The following C16orf46 variants were observed in gnomAD, a reference collection of about 807,000 sequenced individuals.
The protein encoded by C16orf46 is chromosome 16 open reading frame 46.
A neutral mutation model predicts 5.5 loss-of-function variants in C16orf46; 7 were observed. The ratio of observed to expected loss-of-function variants is 1.28; its 90% CI spans 0.73 to 2.40. The LOEUF (loss-of-function observed/expected upper bound fraction) is 2.40, where lower values mean the gene tolerates loss of function less well. C16orf46 is among the 30% of genes most tolerant of loss of function. The probability of loss-of-function intolerance (pLI) is 0.00; values close to 1 mark genes in which losing one functional copy is unlikely to be tolerated. For missense variants in C16orf46, 614 were observed against 476.0 expected (o/e 1.29, Z -2.70); for synonymous variants, 200 against 184.1 (o/e 1.09, Z -0.70).
chr16:81,061,664 TCTTCTTAC>T lies in C16orf46; in HGVS notation c.677_684del (p.Gly226GlufsTer2). 1 of 1,614,194 alleles carries T rather than the reference TCTTCTTAC, an allele frequency of 6.2e-7. No homozygotes were observed. Among genetic ancestry groups the T allele is most frequent in the Non-Finnish European group, 8.5e-7 (1 of 1,180,038 alleles). ...TCTGACTGCAAGAAAGAGTTCTTAC[TCTTCTTAC>T]CCAGAACATCCAAAGCATTTGAAAG... On this transcript the variant is annotated frameshift_variant, in exon 4 of 4. Coordinates refer to ENST00000299578, the MANE Select transcript of C16orf46 (RefSeq NM_152337.3). LOFTEE classifies it low-confidence loss of function (END_TRUNC).
chr16:81,057,643 T>A (rs546708094), downstream of C16orf46, among the ~76,000 whole-genome samples: 1 of 150,590 alleles, frequency 6.6e-6, no homozygotes, highest in Admixed American at 6.7e-5. Context: ...ACCATCATCA[T>A]CTTTTGAAAC....
At chr16:81,058,514 T>C (rs1259837524), downstream of C16orf46, among the ~76,000 whole-genome samples, 1 of 152,168 alleles carries the variant, frequency 6.6e-6, no homozygotes, top group African/African-American at 2.4e-5. Context: ...TTAAGATGGA[T>C]TGGACCCAAG....
At position 81,073,443 on chromosome 16, in the gene C16orf46, T is replaced by A. The variant is rs1007797718; in HGVS notation, c.-128+3693A>T. On this transcript the variant is annotated intron_variant, in intron 1 of 3. Transcript: ENST00000299578. The stretch of plus-strand genomic sequence containing the variant: ...GCTCTTCTAGAATGTTCCTGAAAGA[T>A]AACGTGGTAGGCAGAATTCTACAAA... Among the ~76,000 whole-genome samples, 5 of 152,210 alleles carry A rather than the reference T, an allele frequency of 3.3e-5. No individual in the cohort carries two copies. In the South Asian group the frequency reaches 1.0e-3, roughly 32 times the overall value.
At chr16:81,064,576 C>T (rs572243308) in intron 2 of C16orf46, among the ~76,000 whole-genome samples, 1 of 151,804 alleles carries the variant, frequency 6.6e-6, no homozygotes, top group South Asian at 2.1e-4. Context: ...GGCGAAACCC[C>T]ATCTCTACCA....
Position 81,061,155 on chromosome 16 carries a change from A to C in C16orf46, c.*6T>G, listed in dbSNP as rs804884. ...TGCTTATTCCCAGGGGTTCTACCGC[A>C]ACCGCTCAGAGGATCCTGTGGGTAG... On this transcript the variant is annotated 3_prime_UTR_variant, in exon 4 of 4. Coordinates refer to ENST00000299578, the MANE Select transcript of C16orf46 (RefSeq NM_152337.3). The C allele has an allele frequency of 6.3e-7, 1 of 1,590,562 alleles. No individual in the cohort carries two copies.
rs753998253 is a variant in C16orf46, at chr16:81,061,937, G to A, written c.412C>T (p.Gln138Ter). 6 of 1,614,158 alleles carry A rather than the reference G, an allele frequency of 3.7e-6. No homozygotes were observed. The highest frequency in any genetic ancestry group is 5.1e-6 in the Non-Finnish European group (6 of 1,180,018). Reference sequence around the variant, plus strand: ...GCCCTGGAAGCAGTGCTGGGGCCCTGGGGGGCTGCCTGAGTCTGGGAGGGG... The same window carrying A: ...GCCCTGGAAGCAGTGCTGGGGCCCTAGGGGGCTGCCTGAGTCTGGGAGGGG... ...SSPSQTQAAP[Q>*]GPSTASRAIS... is the part of the protein sequence containing the mutation. Residue 138 changes from glutamine (Q) to a stop codon, truncating the protein, a stop_gained, in exon 4 of 4, where the codon CAG becomes TAG. Coordinates refer to ENST00000299578, the MANE Select transcript of C16orf46 (RefSeq NM_152337.3). LOFTEE classifies it low-confidence loss of function (END_TRUNC).
Position 81,061,037 on chromosome 16 carries a change from AAGAC to A in C16orf46, c.*120_*123del. On this transcript the variant is annotated 3_prime_UTR_variant, in exon 4 of 4. Transcript: ENST00000299578. ...AAAAAAATGGAGGAAAAGAAGAGTAAAGACAGACTGACGGGGAGGAGAGAAAGAG... is the reference window on the plus strand; with the variant it reads ...AAAAAAATGGAGGAAAAGAAGAGTAAAGACTGACGGGGAGGAGAGAAAGAG... The A allele has an allele frequency of 1.4e-6, 2 of 1,431,982 alleles. No homozygotes were observed. Among genetic ancestry groups the A allele is most frequent in the Non-Finnish European group, 9.2e-7 (1 of 1,092,664 alleles). The allele number at this position is 1,431,982 out of a possible 1,614,324, so 88.7% of individuals were successfully genotyped here.
At chr16:81,075,272 A>C (rs1971996525) in intron 1 of C16orf46, among the ~76,000 whole-genome samples, 1 of 142,434 alleles carries the variant, frequency 7.0e-6, no homozygotes, top group South Asian at 2.3e-4. Context: ...TTTTTTTAAC[A>C]CCTATTGCCT....
At chr16:81,073,941 G>C (rs565882336) in intron 1 of C16orf46, among the ~76,000 whole-genome samples, 1 of 152,302 alleles carries the variant, frequency 6.6e-6, no homozygotes, top group Admixed American at 6.5e-5. Flanking sequence ...CTTAAACAGA[G>C]AACAAAGCAT....
At chr16:81,056,610 C>T (rs1388654700), downstream of C16orf46, among the ~76,000 whole-genome samples, 2 of 146,198 alleles carry the variant, frequency 1.4e-5, no homozygotes, top group Non-Finnish European at 3.0e-5. Flanking sequence ...GCAGGAGAAT[C>T]ACTTGAATCC....
rs984020747 is a variant in C16orf46 at position 81,077,192 on chromosome 16, G to A, written c.-184C>T. The A allele has an allele frequency of 2.4e-4, 37 of 152,344 alleles. No homozygotes were observed. The highest frequency in any genetic ancestry group is 8.4e-4 in the African/African-American group (35 of 41,476). 9.4% of individuals were successfully genotyped at this position (152,344 alleles called of 1,614,324 possible). ...ACAGCTAGTCCCGGCCTACTGGCAAGAGCTACTCAGGTCGCTGCCGGATGG... is the reference window on the plus strand; with the variant it reads ...ACAGCTAGTCCCGGCCTACTGGCAAAAGCTACTCAGGTCGCTGCCGGATGG... On this transcript the variant is annotated 5_prime_UTR_variant, in exon 1 of 4. Transcript: ENST00000299578.
In C16orf46 at chr16:81,060,980, T is replaced by C; in HGVS notation, c.*181A>G. 7.3e-7 allele frequency: 1 copy of C among 1,377,428 alleles called. No homozygotes were observed. Among genetic ancestry groups the C allele is most frequent in the Non-Finnish European group, 9.3e-7 (1 of 1,069,726 alleles). 85.3% of individuals were successfully genotyped at this position (1,377,428 alleles called of 1,614,324 possible). A position where few individuals can be genotyped will look rare whatever the true frequency, so the allele number is the denominator to read the frequency against. ...TAGAAAATAAATCCCAACAATCCAC[T>C]GAGGTTCAGTTTTCTTCAGTTGTAC... On this transcript the variant is annotated 3_prime_UTR_variant, in exon 4 of 4. Coordinates refer to ENST00000299578, the MANE Select transcript of C16orf46 (RefSeq NM_152337.3).
chr16:81,058,406 T>C (rs537415912), downstream of C16orf46, among the ~76,000 whole-genome samples: 10 of 152,310 alleles, frequency 6.6e-5, no homozygotes, highest in East Asian at 1.9e-3. Context: ...TATGCACAAA[T>C]TCAGTACAAG....
chr16:81,058,221 A>G (rs1014399927), downstream of C16orf46, among the ~76,000 whole-genome samples: 5 of 152,222 alleles, frequency 3.3e-5, no homozygotes. Context: ...AAGCTGGGGT[A>G]CTAAAAAATA....
chr16:81,071,820 A>G (rs961997559), intron 1 of C16orf46, among the ~76,000 whole-genome samples: 2 of 152,234 alleles, frequency 1.3e-5, no homozygotes, highest in Admixed American at 6.5e-5. Flanking sequence ...AATGAGAAAA[A>G]AAATGCAGGA....
intron 3 of C16orf46, among the ~76,000 whole-genome samples, chr16:81,055,727 A>G (rs1217560735): frequency 6.6e-6 from 1 of 151,882 alleles, no homozygotes; most frequent in Non-Finnish European, 1.5e-5. Flanking sequence ...TTCTTTTTTT[A>G]TTATTGTTTT....
At chr16:81,066,584 A>G (rs1971662613) in intron 1 of C16orf46, among the ~76,000 whole-genome samples, 1 of 152,234 alleles carries the variant, frequency 6.6e-6, no homozygotes, top group African/African-American at 2.4e-5. Context: ...AGTAATGGCC[A>G]AGAATCAATA....
intron 1 of C16orf46, among the ~76,000 whole-genome samples, chr16:81,069,110 C>T (rs1017685111): frequency 6.6e-6 from 1 of 152,044 alleles, no homozygotes; most frequent in Non-Finnish European, 1.5e-5. Context: ...TTTGTGTCTG[C>T]TTATTTTTGG....
intron 1 of C16orf46, among the ~76,000 whole-genome samples, chr16:81,072,641 C>T (rs1971895694): frequency 6.6e-6 from 1 of 152,148 alleles, no homozygotes. Flanking sequence ...GTCTCAGCCT[C>T]CCAAAGTGCT....
Sources: gnomAD v4.1 joint callset for allele counts (sites outside exome capture counted in the v4.1 genomes callset) on GRCh38, gnomAD v4.1.1 for gene constraint, MANE v1.5 for transcripts, NCBI Gene and HGNC (gene_info 2026-07-23, HGNC 2026-07-21) for gene names.